SIRT1: variants seen among roughly 807,000 people sequenced by gnomAD.
SIRT1 encodes NAD-dependent protein deacetylase sirtuin-1.
Under a neutral mutation model 67.9 loss-of-function variants are expected in SIRT1, and 24 were observed. That is an observed-to-expected ratio of 0.35 (90% confidence interval 0.26 to 0.50). The LOEUF (loss-of-function observed/expected upper bound fraction) is 0.50, where lower values mean the gene tolerates loss of function less well. Among genes scored for constraint, SIRT1 ranks in the 20% least tolerant of loss-of-function variants. The probability of loss-of-function intolerance (pLI) is 0.98; values close to 1 mark genes in which losing one functional copy is unlikely to be tolerated. For synonymous variants in SIRT1, 378 were observed against 350.7 expected, an observed-to-expected ratio of 1.08 and a Z score of -0.87; for missense variants, 873 against 937.2, an observed-to-expected ratio of 0.93 and a Z score of 0.89.
chr10:67,885,925 A>G (rs376063798), intron 1 of SIRT1, among the ~76,000 whole-genome samples: 155 of 145,066 alleles, frequency 1.1e-3, no homozygotes, highest in Non-Finnish European at 1.9e-3. Context: ...TGCAGTTGTC[A>G]TGTTCTTGAA....
At chr10:67,900,893 A>G (rs1253187836) in intron 4 of SIRT1, among the ~76,000 whole-genome samples, 1 of 152,012 alleles carries the variant, frequency 6.6e-6, no homozygotes, top group Non-Finnish European at 1.5e-5. Flanking sequence ...CTTTTGATTT[A>G]CCTTTCAAAT....
Position 67,916,702 on chromosome 10 carries a change from G to T in SIRT1, c.*109G>T. ...GATAGAGCAAGGAAACCAGAAAGGTGTAATATTTATAGGTTGGTAAAATAG... is the reference window on the plus strand; with the variant it reads ...GATAGAGCAAGGAAACCAGAAAGGTTTAATATTTATAGGTTGGTAAAATAG... On this transcript the variant is annotated 3_prime_UTR_variant, in exon 9 of 9. Transcript: ENST00000212015. The T allele has an allele frequency of 2.5e-6, 2 of 812,436 alleles. No homozygotes were observed. The highest frequency in any genetic ancestry group is 1.9e-6 in the Non-Finnish European group (1 of 539,994). The allele number at this position is 812,436 out of a possible 1,614,324, so 50.3% of individuals were successfully genotyped here.
At position 67,912,840 on chromosome 10, in the gene SIRT1, T is replaced by C. The variant is rs757828571; in HGVS notation, c.1724T>C (p.Met575Thr). The change falls in exon 8 of 9, where the codon ATG becomes ACG. Residue 575 changes from methionine (M) to threonine (T), a missense_variant. Coordinates refer to ENST00000212015, the MANE Select transcript of SIRT1 (RefSeq NM_012238.5). ...GATGTGTCTGAATCAAAAGGTTGTATGGAAGAAAAACCACAGGAAGTACAA... is the reference window on the plus strand; with the variant it reads ...GATGTGTCTGAATCAAAAGGTTGTACGGAAGAAAAACCACAGGAAGTACAA... Reference protein sequence around the residue: ...DLDVSESKGCMEEKPQEVQTS... With the variant: ...DLDVSESKGCTEEKPQEVQTS... 6.2e-7 allele frequency: 1 copy of C among 1,614,062 alleles called. No individual in the cohort carries two copies. The highest frequency in any genetic ancestry group is 8.5e-7 in the Non-Finnish European group (1 of 1,180,006).
intron 1 of SIRT1, chr10:67,885,462 A>G (rs968769641): frequency 9.0e-7 from 1 of 1,112,526 alleles, no homozygotes; most frequent in African/African-American, 1.6e-5. Flanking sequence ...CTTTTAGCAT[A>G]TTGCTTTTGT....
intron 8 of SIRT1, among the ~76,000 whole-genome samples, chr10:67,914,815 C>T (rs191089596): frequency 1.1e-4 from 16 of 151,632 alleles, no homozygotes; most frequent in African/African-American, 3.6e-4. Context: ...TCAAGCGATT[C>T]TCCTGCCTCA....
At chr10:67,895,219 A>G (rs1198897132) in intron 4 of SIRT1, among the ~76,000 whole-genome samples, 2 of 152,094 alleles carry the variant, frequency 1.3e-5, no homozygotes, top group African/African-American at 4.8e-5. Flanking sequence ...CAGGAGTTCA[A>G]GACCAGCCTG....
intron 6 of SIRT1, 121 bp from the exon 7 acceptor site, chr10:67,909,133 TTC>T (rs1379618774): frequency 1.5e-6 from 1 of 655,054 alleles, no homozygotes; most frequent in East Asian, 2.9e-5. Flanking sequence ...TCCATAGCTT[TTC>T]TGTTTTGTTT....
intron 6 of SIRT1, 43 bp downstream of exon 6, chr10:67,908,168 A>G (rs748189777): frequency 6.6e-7 from 1 of 1,525,808 alleles, no homozygotes; most frequent in Non-Finnish European, 9.1e-7. Flanking sequence ...ATGTCTCTGA[A>G]GTATTTCTTC....
chr10:67,893,477 C>T (rs1842605171), intron 4 of SIRT1, among the ~76,000 whole-genome samples: 1 of 151,718 alleles, frequency 6.6e-6, no homozygotes, highest in African/African-American at 2.4e-5. Context: ...GCTTTTTCCC[C>T]ACCTAATCGT....
intron 7 of SIRT1, among the ~76,000 whole-genome samples, chr10:67,910,263 T>C (rs952131353): frequency 2.6e-5 from 4 of 152,044 alleles, no homozygotes; most frequent in African/African-American, 9.7e-5. Flanking sequence ...TAGTCCCAGC[T>C]ACTTGGGAGG....
chr10:67,889,975 CT>C (rs35424302), intron 3 of SIRT1, among the ~76,000 whole-genome samples: 20,442 of 147,198 alleles, frequency 0.14, 1,376 homozygotes, highest in African/African-American at 0.16. Context: ...TATTATACAC[CT>C]TTTTTTTTTT....
chr10:67,917,742 TAGC>T lies in SIRT1; in HGVS notation c.*1152_*1154del, dbSNP rs530011019. 37 of 152,750 alleles carry T rather than the reference TAGC, an allele frequency of 2.4e-4. No homozygotes were observed. The South Asian group carries it at 4.1e-3, about 17-fold the overall frequency. The allele number at this position is 152,750 out of a possible 1,614,324, so 9.5% of individuals were successfully genotyped here. On this transcript the variant is annotated 3_prime_UTR_variant, in exon 9 of 9. Transcript: ENST00000212015. ...ATGAACATGATGATGTAACTTGTAA[TAGC>T]AGAATAGTTAATGAATGAAACTAGT...
At chr10:67,912,357 T>G in intron 7 of SIRT1, 117 bp from the exon 8 acceptor site, 1 of 887,004 alleles carries the variant, frequency 1.1e-6, no homozygotes, top group Non-Finnish European at 1.7e-6. Context: ...GCATGGGTCT[T>G]TTTTGGGAAT....
chr10:67,901,166 C>CT (rs11390488), intron 4 of SIRT1, among the ~76,000 whole-genome samples: 3,178 of 148,504 alleles, frequency 0.021, 103 homozygotes, highest in African/African-American at 0.071. Context: ...TTTAGGTTTT[C>CT]TTTTTTTTTT....
intron 4 of SIRT1, among the ~76,000 whole-genome samples, chr10:67,904,947 A>T (rs1842799153): frequency 6.6e-6 from 1 of 152,080 alleles, no homozygotes; most frequent in Non-Finnish European, 1.5e-5. Flanking sequence ...AGTGTCCCAT[A>T]CATCTTTGTG....
intron 4 of SIRT1, among the ~76,000 whole-genome samples, chr10:67,898,876 G>A (rs771122066): frequency 6.6e-6 from 1 of 152,094 alleles, no homozygotes; most frequent in Non-Finnish European, 1.5e-5. Context: ...CTTTCAATTT[G>A]TAGTATATTC....
intron 2 of SIRT1, among the ~76,000 whole-genome samples, chr10:67,888,466 C>A (rs1039740544): frequency 6.6e-6 from 1 of 152,006 alleles, no homozygotes; most frequent in Non-Finnish European, 1.5e-5. Flanking sequence ...ATTAAGATGG[C>A]AGTTATGTAT....
At chr10:67,909,465 A>G (rs1383077770) in intron 7 of SIRT1, 23 bp downstream of exon 7, 2 of 1,583,706 alleles carry the variant, frequency 1.3e-6, no homozygotes, top group East Asian at 4.5e-5. Flanking sequence ...TGGTTTTTGG[A>G]GAACATTTCT....
intron 4 of SIRT1, among the ~76,000 whole-genome samples, chr10:67,894,200 C>A (rs1842618883): frequency 6.6e-6 from 1 of 152,110 alleles, no homozygotes; most frequent in Admixed American, 6.6e-5. Context: ...TATATTAATT[C>A]TTGAATATGA....
Sources: gnomAD v4.1 joint callset for allele counts (sites outside exome capture counted in the v4.1 genomes callset) on GRCh38, gnomAD v4.1.1 for gene constraint, MANE v1.5 for transcripts, NCBI Gene and HGNC (gene_info 2026-07-23, HGNC 2026-07-21) for gene names.